Variants in ZNF827 observed in about 807,000 individuals in gnomAD.
ZNF827 encodes the protein zinc finger protein 827.
In ZNF827, 13 loss-of-function variants were observed where a neutral mutation model predicts 102.4. The ratio of observed to expected loss-of-function variants is 0.13; its 90% confidence interval spans 0.08 to 0.20. The LOEUF (loss-of-function observed/expected upper bound fraction) is 0.20, where lower values mean the gene tolerates loss of function less well. Among genes scored for constraint, ZNF827 ranks in the 10% least tolerant of loss-of-function variants. ZNF827 has a pLI of 1.00. For missense variants in ZNF827, 1,103 were observed against 1,344.4 expected (o/e 0.82, Z 2.81); for synonymous variants, 523 against 536.2 (o/e 0.98, Z 0.34).
rs767784968 is a variant in ZNF827, at chr4:145,765,506, G to GT, written c.3052+40dup. On this transcript the variant is annotated intron_variant, in intron 12 of 14. Coordinates refer to ENST00000508784, the MANE Select transcript of ZNF827 (RefSeq NM_001306215.2). This position sits in a 1 kb window ranked among gnomAD's most constrained non-coding sequence, Gnocchi z 4.7. Reference sequence around the variant, plus strand: ...TATTCTCAAGAATGGGTCATCCTGGGTGCGGAGGGTTGAGCAGGCTCACAC... The same window carrying GT: ...TATTCTCAAGAATGGGTCATCCTGGGTTGCGGAGGGTTGAGCAGGCTCACAC... 7.6e-6 allele frequency: 12 copies of GT among 1,570,310 alleles called. 1 individual carries two copies. Among genetic ancestry groups the GT allele is most frequent in the East Asian group, 4.5e-5 (2 of 44,548 alleles).
chr4:145,880,245 C>T (rs566324885), intron 4 of ZNF827, among the ~76,000 whole-genome samples: 6 of 152,268 alleles, frequency 3.9e-5, no homozygotes, highest in Admixed American at 3.9e-4. Flanking sequence ...AAAAAAGAAT[C>T]TCAGTTCTAC....
At chr4:145,837,617 G>C (rs1289571656) in intron 7 of ZNF827, among the ~76,000 whole-genome samples, 1 of 152,068 alleles carries the variant, frequency 6.6e-6, no homozygotes, top group Non-Finnish European at 1.5e-5. Flanking sequence ...ATATCTCCTG[G>C]TGCTATCCCC....
At chr4:145,877,101 T>C (rs1338750564) in intron 4 of ZNF827, among the ~76,000 whole-genome samples, 2 of 152,224 alleles carry the variant, frequency 1.3e-5, no homozygotes, top group Non-Finnish European at 2.9e-5. Context: ...ATGTGAACTT[T>C]TGAAACAAAA....
chr4:145,808,859 A>G (rs1741747869), intron 8 of ZNF827, among the ~76,000 whole-genome samples: 1 of 152,118 alleles, frequency 6.6e-6, no homozygotes, highest in Non-Finnish European at 1.5e-5. Context: ...CAGTGGCTTG[A>G]TCTTATTAAT....
intron 4 of ZNF827, among the ~76,000 whole-genome samples, chr4:145,877,731 T>C (rs1274546875): frequency 6.6e-6 from 1 of 152,118 alleles, no homozygotes; most frequent in Non-Finnish European, 1.5e-5. Context: ...TTTTAAAATA[T>C]ATAAAGTTTT....
chr4:145,856,712 CA>C (rs1747144986), intron 5 of ZNF827, among the ~76,000 whole-genome samples: 1 of 149,274 alleles, frequency 6.7e-6, no homozygotes, highest in Non-Finnish European at 1.5e-5. Context: ...CACACACACA[CA>C]CACACACACA....
In ZNF827 at chr4:145,761,358, C is replaced by A. The variant is rs1291268437; in HGVS notation, c.*258G>T. 3.1e-6 allele frequency: 4 copies of A among 1,289,848 alleles called. No homozygotes were observed. In the African/African-American group the frequency reaches 6.1e-5, roughly 20 times the overall value. The allele number at this position is 1,289,848 out of a possible 1,614,324, so 79.9% of individuals were successfully genotyped here. On this transcript the variant is annotated 3_prime_UTR_variant, in exon 15 of 15. Transcript: ENST00000508784. The surrounding 1 kb of genome is among the most constrained non-coding windows in gnomAD (Gnocchi z 6.8). The stretch of plus-strand genomic sequence containing the variant: ...AGCTGCACTGGTCACAGTGGAAGGG[C>A]CGCTCCCCGGTGTGGACGCGCACGT...
intron 4 of ZNF827, among the ~76,000 whole-genome samples, chr4:145,882,425 T>TTAAG (rs1749747908): frequency 6.6e-6 from 1 of 152,162 alleles, no homozygotes; most frequent in Non-Finnish European, 1.5e-5. Flanking sequence ...CCAAGCAGTG[T>TTAAG]TAAGTGTGGG....
Position 145,763,292 on chromosome 4 carries a change from A to G in ZNF827, c.3231-170T>C, listed in dbSNP as rs1367602652. 6.6e-6 allele frequency among the ~76,000 whole-genome samples: 1 copy of G among 152,234 alleles called. No individual in the cohort carries two copies. The highest frequency in any genetic ancestry group is 2.1e-4 in the South Asian group (1 of 4,836). On this transcript the variant is annotated intron_variant, in intron 13 of 14. Transcript: ENST00000508784. The surrounding 1 kb of genome is among the most constrained non-coding windows in gnomAD (Gnocchi z 4.6). ...CAATCTTTCTTTCACTGCTCAGGCA[A>G]AGTGCTAAGGGTTTTCCGTGCTCCC...
intron 8 of ZNF827, among the ~76,000 whole-genome samples, chr4:145,806,828 T>A (rs1741501403): frequency 6.6e-6 from 1 of 152,324 alleles, no homozygotes; most frequent in African/African-American, 2.4e-5. Context: ...AATGATGCAA[T>A]GAGACAGTAC....
chr4:145,921,137 C>A (rs1440381638), intron 1 of ZNF827, among the ~76,000 whole-genome samples: 1 of 152,026 alleles, frequency 6.6e-6, no homozygotes, highest in Non-Finnish European at 1.5e-5. Context: ...GGTTATCAGG[C>A]ACATAAATGA....
Position 145,885,818 on chromosome 4 carries a change from A to G in ZNF827, c.1607T>C (p.Phe536Ser), listed in dbSNP as rs1750073701. Residue 536 changes from phenylalanine to serine, a missense_variant, in exon 4 of 15, where the codon TTT becomes TCT. Physicochemically the swap from Phe to Ser is radical, Grantham distance 155. Coordinates refer to ENST00000508784, the MANE Select transcript of ZNF827 (RefSeq NM_001306215.2). ...GGGCCTGTCGGCAGCATTCAAAGTAAAGGAGGTGGGCAGGCCGTTATCTTC... is the reference window on the plus strand; with the variant it reads ...GGGCCTGTCGGCAGCATTCAAAGTAGAGGAGGTGGGCAGGCCGTTATCTTC... ...PKEDNGLPTS[F>S]TLNAADRPAN... 6.2e-7 allele frequency: 1 copy of G among 1,613,844 alleles called. No individual in the cohort carries two copies. Among genetic ancestry groups the G allele is most frequent in the Non-Finnish European group, 8.5e-7 (1 of 1,179,914 alleles).
At position 145,882,021 on chromosome 4, in the gene ZNF827, C is replaced by A. The variant is rs999985494; in HGVS notation, c.1747+3657G>T. On this transcript the variant is annotated intron_variant, in intron 4 of 14. Coordinates refer to ENST00000508784, the MANE Select transcript of ZNF827 (RefSeq NM_001306215.2). ...ATCCCAGTGAATCATAATTTCTGGG[C>A]CCTGGCATTTTGTGAAAAACTCCCC... is the stretch of plus-strand genomic sequence containing the variant. 3.9e-5 allele frequency among the ~76,000 whole-genome samples: 6 copies of A among 152,310 alleles called. 1 individual carries two copies. In the South Asian group the frequency reaches 1.2e-3, roughly 32 times the overall value.
chr4:145,808,653 T>C (rs1467795726), intron 8 of ZNF827, among the ~76,000 whole-genome samples: 1 of 152,250 alleles, frequency 6.6e-6, no homozygotes, highest in Admixed American at 6.5e-5. Flanking sequence ...CTGAAGCACT[T>C]TGATACCTTA....
chr4:145,763,114 T>C lies in ZNF827; in HGVS notation c.3239A>G (p.Gln1080Arg). 6.5e-7 allele frequency: 1 copy of C among 1,536,126 alleles called. No homozygotes were observed. Among genetic ancestry groups the C allele is most frequent in the Non-Finnish European group, 8.7e-7 (1 of 1,146,884 alleles). Reference protein sequence around the residue: ...TVPTGGLNSGQW With the variant: ...TVPTGGLNSGRW ...CCTAGAGGAGTCTGAAACTCACCAC[T>C]GTCCTGAGCTACGGCAAAAGAAAAA... is the stretch of plus-strand genomic sequence containing the variant. Residue 1080 changes from glutamine to arginine, a missense_variant, in exon 14 of 15, where the codon CAG (glutamine) becomes CGG (arginine). Gln to Arg is a conservative substitution (Grantham distance 43, BLOSUM62 1). Coordinates refer to ENST00000508784, the MANE Select transcript of ZNF827 (RefSeq NM_001306215.2). This position sits in a 1 kb window ranked among gnomAD's most constrained non-coding sequence, Gnocchi z 4.6.
chr4:145,776,822 T>C (rs72952689), intron 9 of ZNF827, among the ~76,000 whole-genome samples: 27,370 of 152,212 alleles, frequency 0.18, 3,443 homozygotes, highest in East Asian at 0.69. Context: ...AATTTCATTT[T>C]ACATAAATAA....
intron 1 of ZNF827, among the ~76,000 whole-genome samples, chr4:145,909,530 C>T (rs534099785): frequency 3.9e-5 from 6 of 152,196 alleles, no homozygotes; most frequent in East Asian, 3.8e-4. Context: ...AAGGTCTTTA[C>T]GCCTCTGATT....
intron 4 of ZNF827, among the ~76,000 whole-genome samples, chr4:145,884,066 G>A (rs775130297): frequency 4.6e-5 from 7 of 152,194 alleles, no homozygotes; most frequent in Non-Finnish European, 1.0e-4. Flanking sequence ...GGAGAGAGGT[G>A]ATGAGGAGCA....
intron 2 of ZNF827, among the ~76,000 whole-genome samples, chr4:145,897,177 T>A (rs994339328): frequency 1.3e-5 from 2 of 152,190 alleles, no homozygotes; most frequent in African/African-American, 4.8e-5. Flanking sequence ...GCTCTACCTA[T>A]TGTCTATGCA....
Sources: gnomAD v4.1 joint callset for allele counts (sites outside exome capture counted in the v4.1 genomes callset) on GRCh38, gnomAD v4.1.1 for gene constraint, Gnocchi (gnomAD v3.1) non-coding constraint, MANE v1.5 for transcripts, NCBI Gene and HGNC (gene_info 2026-07-23, HGNC 2026-07-21) for gene names.